AP3D1: variants seen among roughly 807,000 people sequenced by gnomAD.
AP3D1 encodes the protein AP-3 complex subunit delta-1.
A neutral mutation model predicts 147.6 loss-of-function variants in AP3D1; 51 were observed. That is an observed-to-expected ratio of 0.35 (90% confidence interval 0.28 to 0.44). The LOEUF (loss-of-function observed/expected upper bound fraction) is 0.44. AP3D1 is among the 20% of genes least tolerant of loss of function. The probability of loss-of-function intolerance (pLI) is 1.00; values close to 1 mark genes in which losing one functional copy is unlikely to be tolerated. For missense variants in AP3D1, 1,421 were observed against 1,624.2 expected, an observed-to-expected ratio of 0.87 and a Z score of 2.15; for synonymous variants, 760 against 663.0, an observed-to-expected ratio of 1.15 and a Z score of -2.25.
At chr19:2,158,205 G>A (rs1327171403) in intron 1 of AP3D1, among the ~76,000 whole-genome samples, 7 of 151,886 alleles carry the variant, frequency 4.6e-5, no homozygotes, top group East Asian at 3.9e-4. Flanking sequence ...ACAGGCACCC[G>A]CCACCACGCC....
intron 22 of AP3D1, 128 bp from the exon 23 acceptor site, chr19:2,113,541 T>TGCAGA (rs1714620624): frequency 3.9e-6 from 2 of 514,420 alleles, no homozygotes; most frequent in Non-Finnish European, 6.8e-6. Flanking sequence ...AGCTGGGCCT[T>TGCAGA]GCAGAGCCTG....
rs558977794 is a variant in AP3D1 at position 2,110,741 on chromosome 19, G to A, written c.3141C>T (p.His1047=). The change falls in exon 27 of 32, where the codon CAC becomes CAT. Residue 1047 remains histidine, a synonymous_variant. Coordinates refer to ENST00000643116, the MANE Select transcript of AP3D1 (RefSeq NM_001261826.3). ...RMARPQGSSV[H]DGVPVPFQLP... ...GCTGGAAAGGCACGGGGACGCCATC[G>A]TGGACGGAGGAGCCCTGCGGCCGGG... The A allele has an allele frequency of 3.0e-5, 48 of 1,609,458 alleles. No homozygotes were observed. In the Middle Eastern group the frequency reaches 8.1e-4, roughly 27 times the overall value.
chr19:2,110,907 T>C lies in AP3D1; in HGVS notation c.2986-11A>G. ...CCGGATGTCACAGGTCTGCAGGGCA[T>C]GGCCAGTGTTAGCAGGGCAGGCGGG... On this transcript the variant is annotated splice_polypyrimidine_tract_variant and intron_variant, in intron 26 of 31. Transcript: ENST00000643116. The C allele has an allele frequency of 1.9e-6, 3 of 1,611,720 alleles. No individual in the cohort carries two copies. Among genetic ancestry groups the C allele is most frequent in the South Asian group, 2.2e-5 (2 of 91,006 alleles).
intron 6 of AP3D1, among the ~76,000 whole-genome samples, chr19:2,130,014 G>A (rs116275373): frequency 0.021 from 3,236 of 152,282 alleles, 124 homozygotes; most frequent in African/African-American, 0.074. Flanking sequence ...CTGCAGCCGC[G>A]TCCCGCAGTC....
At chr19:2,110,339 C>A in intron 27 of AP3D1, 115 bp from the exon 28 acceptor site, 1 of 907,768 alleles carries the variant, frequency 1.1e-6, no homozygotes, top group Non-Finnish European at 1.8e-6. Flanking sequence ...AAACTGAGCT[C>A]AGCCCCCAAG....
chr19:2,122,847 C>T (rs1169225228), intron 11 of AP3D1, among the ~76,000 whole-genome samples: 1 of 152,218 alleles, frequency 6.6e-6, no homozygotes, highest in Non-Finnish European at 1.5e-5. Context: ...TCAAAATGAG[C>T]ATCCAAAACA....
At chr19:2,158,862 A>G (rs898578692) in intron 1 of AP3D1, among the ~76,000 whole-genome samples, 1 of 152,214 alleles carries the variant, frequency 6.6e-6, no homozygotes, top group African/African-American at 2.4e-5. Flanking sequence ...TCTTTGTTTC[A>G]AAGTTAAACT....
upstream of AP3D1, among the ~76,000 whole-genome samples, chr19:2,155,331 A>G (rs1285372164): frequency 6.6e-6 from 1 of 151,826 alleles, no homozygotes; most frequent in Non-Finnish European, 1.5e-5. Context: ...ACTGCACTCC[A>G]GCCTGGGCGA....
At chr19:2,110,612 G>A (rs1451838304) in intron 27 of AP3D1, 95 bp downstream of exon 27, 39 of 1,318,000 alleles carry the variant, frequency 3.0e-5, no homozygotes, top group South Asian at 1.3e-4. Context: ...GGGACATGGG[G>A]AGGAAGCAAC....
intron 1 of AP3D1, among the ~76,000 whole-genome samples, chr19:2,157,270 G>A (rs1453346996): frequency 2.0e-5 from 3 of 150,838 alleles, no homozygotes; most frequent in Non-Finnish European, 3.0e-5. Flanking sequence ...GTGAAACCCC[G>A]TCTCTACTAA....
upstream of AP3D1, among the ~76,000 whole-genome samples, chr19:2,153,389 G>A (rs901867110): frequency 6.7e-6 from 1 of 149,866 alleles, no homozygotes; most frequent in Non-Finnish European, 1.5e-5. Flanking sequence ...AGAAGTGGGG[G>A]GGGGGACCGG....
At chr19:2,156,463 C>G (rs1028477481), upstream of AP3D1, among the ~76,000 whole-genome samples, 1 of 152,016 alleles carries the variant, frequency 6.6e-6, no homozygotes, top group South Asian at 2.1e-4. Context: ...ATCCACCTAC[C>G]TATCCATTCA....
intron 22 of AP3D1, 87 bp downstream of exon 22, chr19:2,114,036 CCA>C: frequency 6.8e-7 from 1 of 1,473,788 alleles, no homozygotes; most frequent in Non-Finnish European, 9.0e-7. Context: ...AGACTCACAG[CCA>C]TTTCCCCTGA....
intron 1 of AP3D1, among the ~76,000 whole-genome samples, chr19:2,143,312 C>T (rs892376838): frequency 7.0e-6 from 1 of 143,744 alleles, no homozygotes; most frequent in African/African-American, 2.6e-5. Context: ...GCGATCTCAG[C>T]TCACTGCAAG....
At chr19:2,113,616 A>G (rs893203941) in intron 22 of AP3D1, among the ~76,000 whole-genome samples, 85 of 152,330 alleles carry the variant, frequency 5.6e-4, no homozygotes, top group Non-Finnish European at 3.8e-4. Context: ...CGCTGCCAGA[A>G]GAGGGCCGGG....
chr19:2,107,185 G>A (rs980778734), intron 31 of AP3D1, among the ~76,000 whole-genome samples: 13 of 151,846 alleles, frequency 8.6e-5, no homozygotes, highest in Admixed American at 3.9e-4. Flanking sequence ...GCATGAGCCC[G>A]GGAGGCGGAG....
intron 23 of AP3D1, 176 bp from the exon 24 acceptor site, chr19:2,113,143 C>T (rs916061681): frequency 1.6e-6 from 1 of 628,284 alleles, no homozygotes; most frequent in South Asian, 2.0e-5. Context: ...CTGTCCTCCC[C>T]TTCCCCTGGC....
intron 21 of AP3D1, 42 bp from the exon 22 acceptor site, chr19:2,114,344 C>T (rs374549393): frequency 1.7e-4 from 263 of 1,550,300 alleles, no homozygotes; most frequent in Admixed American, 8.3e-4. Flanking sequence ...CACCACTGGC[C>T]ACCCCCCAGG....
intron 10 of AP3D1, 80 bp downstream of exon 10, chr19:2,123,750 G>A (rs2018674411): frequency 1.3e-6 from 2 of 1,505,824 alleles, no homozygotes; most frequent in East Asian, 2.5e-5. Context: ...TTGGTCACAG[G>A]GTGGGCAAGC....
Sources: allele counts gnomAD v4.1 joint callset (sites outside exome capture counted in the v4.1 genomes callset), GRCh38; gene constraint gnomAD v4.1.1; transcripts MANE v1.5; gene names NCBI Gene and HGNC (gene_info 2026-07-23, HGNC 2026-07-21).